Variants in SYDE2 observed in about 807,000 individuals in gnomAD.
SYDE2 encodes rho GTPase-activating protein SYDE2.
A neutral mutation model predicts 91.5 loss-of-function variants in SYDE2; 76 were observed. That is an observed-to-expected ratio of 0.83 (90% CI 0.69 to 1.01). SYDE2 has a LOEUF of 1.01. Ranked by LOEUF, SYDE2 falls within the 50% of genes least tolerant of loss-of-function variation. The pLI, the probability that SYDE2 is intolerant of heterozygous loss-of-function variation, is 0.00. For synonymous variants in SYDE2, 513 were observed against 506.4 expected (o/e 1.01, Z -0.18); for missense variants, 1,364 against 1,367.7 (o/e 1.00, Z 0.04).
chr1:85,159,711 C>T (rs946131454), intron 6 of SYDE2: 21 of 373,560 alleles, frequency 5.6e-5, no homozygotes, highest in African/African-American at 2.6e-4. Context: ...TAGTAAGTTC[C>T]GACCCTTGTG....
In SYDE2 at chr1:85,157,173, G is replaced by A. The variant is rs1331693158; in HGVS notation, c.*1577C>T. 1 of 151,686 alleles carries A rather than the reference G, an allele frequency of 6.6e-6. No individual in the cohort carries two copies. The highest frequency in any genetic ancestry group is 1.9e-4 in the East Asian group (1 of 5,200). 9.4% of individuals were successfully genotyped at this position (151,686 alleles called of 1,614,324 possible). A position where few individuals can be genotyped will look rare whatever the true frequency, so the allele number is the denominator to read the frequency against. ...AATATTTTAAGTACTTTAATATTTA[G>A]AAAAACATCAGGAAGCCAGTTTTTC... On this transcript the variant is annotated 3_prime_UTR_variant, in exon 7 of 7. Transcript: ENST00000341460.
At chr1:85,174,885 T>G (rs1030059564) in intron 4 of SYDE2, among the ~76,000 whole-genome samples, 2 of 152,184 alleles carry the variant, frequency 1.3e-5, no homozygotes, top group Non-Finnish European at 2.9e-5. Flanking sequence ...ACATATAATA[T>G]GTATGGTAAG....
intron 2 of SYDE2, among the ~76,000 whole-genome samples, chr1:85,189,281 CTTACT>C (rs1658267687): frequency 1.3e-5 from 2 of 152,142 alleles, no homozygotes; most frequent in Admixed American, 6.5e-5. Flanking sequence ...TTGCAAGGGA[CTTACT>C]TCTACTTCTC....
intron 6 of SYDE2, chr1:85,159,760 T>A: frequency 1.3e-6 from 1 of 762,524 alleles, no homozygotes; most frequent in Non-Finnish European, 1.6e-6. Flanking sequence ...AGTCATAGTT[T>A]ACTAAGCAGA....
In SYDE2 at chr1:85,182,685, A is replaced by T. The variant is rs1657979050; in HGVS notation, c.1957T>A (p.Cys653Ser). ...GKGKEIISNS[C>S]SKNEIDIDAF... is the part of the protein sequence containing the mutation. ...TCAATGTCTATTTCATTCTTGCTAC[A>T]ACTATTTGAAATTATTTCTTTTCCT... Residue 653 changes from cysteine (C) to serine (S), a missense_variant, in exon 3 of 7, where the codon TGT (cysteine) becomes AGT (serine). By Grantham distance (112) the Cys-to-Ser change is moderately radical (BLOSUM62 -1). Coordinates refer to ENST00000341460, the MANE Select transcript of SYDE2 (RefSeq NM_032184.2). The T allele has an allele frequency of 1.2e-6, 2 of 1,613,630 alleles. No homozygotes were observed. The highest frequency in any genetic ancestry group is 1.7e-6 in the Non-Finnish European group (2 of 1,179,830).
intron 1 of SYDE2, 72 bp from the exon 2 acceptor site, chr1:85,190,824 G>T: frequency 1.6e-6 from 2 of 1,283,638 alleles, no homozygotes; most frequent in Non-Finnish European, 2.1e-6. Context: ...CTTCAGACCA[G>T]TTATTTAAAA....
chr1:85,161,375 T>C (rs941630446), intron 6 of SYDE2, among the ~76,000 whole-genome samples: 1 of 152,020 alleles, frequency 6.6e-6, no homozygotes, highest in Non-Finnish European at 1.5e-5. Flanking sequence ...TAAAAAGAAA[T>C]AAGAGGAAAA....
intron 1 of SYDE2, among the ~76,000 whole-genome samples, chr1:85,193,455 A>AT (rs1297556585): frequency 2.6e-5 from 4 of 152,154 alleles, no homozygotes; most frequent in Non-Finnish European, 1.5e-5. Context: ...CACATTCATT[A>AT]TTTTAAATCT....
At chr1:85,180,684 C>T (rs1428950697) in intron 3 of SYDE2, among the ~76,000 whole-genome samples, 5 of 138,408 alleles carry the variant, frequency 3.6e-5, no homozygotes, top group Admixed American at 1.4e-4. Flanking sequence ...AGCAAGAATC[C>T]GTCTCAAAAA....
chr1:85,181,961 A>C, intron 3 of SYDE2, 137 bp downstream of exon 3: 1 of 941,568 alleles, frequency 1.1e-6, no homozygotes, highest in East Asian at 2.7e-5. Flanking sequence ...CCTAAACAGT[A>C]ATGGAATAAA....
Position 85,199,964 on chromosome 1 carries a change from C to T in SYDE2, c.745+288G>A, listed in dbSNP as rs574158119. On this transcript the variant is annotated intron_variant, in intron 1 of 6. Transcript: ENST00000341460. ...AGTGTGTTATACTTAACCTTTACTCCTTTAGGTAATACTTAGGGAATAGAC... is the reference window on the plus strand; with the variant it reads ...AGTGTGTTATACTTAACCTTTACTCTTTTAGGTAATACTTAGGGAATAGAC... 6.6e-5 allele frequency among the ~76,000 whole-genome samples: 10 copies of T among 152,096 alleles called. No individual in the cohort carries two copies. The South Asian group carries it at 2.1e-3, about 32-fold the overall frequency.
intron 1 of SYDE2, among the ~76,000 whole-genome samples, chr1:85,197,717 C>CGTGG (rs1658642112): frequency 6.6e-6 from 1 of 152,036 alleles, no homozygotes; most frequent in Non-Finnish European, 1.5e-5. Flanking sequence ...TGCAGTGACA[C>CGTGG]GATCTTGGCT....
chr1:85,193,558 G>A (rs530380890), intron 1 of SYDE2, among the ~76,000 whole-genome samples: 2 of 152,104 alleles, frequency 1.3e-5, no homozygotes, highest in African/African-American at 4.8e-5. Context: ...AAAGCTACCA[G>A]TATCCCATAT....
At chr1:85,185,736 C>T (rs1383447273) in intron 2 of SYDE2, among the ~76,000 whole-genome samples, 7 of 151,514 alleles carry the variant, frequency 4.6e-5, no homozygotes, top group Admixed American at 1.3e-4. Flanking sequence ...ACAATCATGT[C>T]GTCTGCAAAC....
intron 1 of SYDE2, among the ~76,000 whole-genome samples, chr1:85,191,739 C>G (rs1001739763): frequency 7.5e-6 from 1 of 133,726 alleles, no homozygotes; most frequent in African/African-American, 2.9e-5. Flanking sequence ...GCCTGGGTAA[C>G]AGAGCGAGAT....
At position 85,200,876 on chromosome 1, in the gene SYDE2, G is replaced by C; in HGVS notation, c.121C>G (p.Arg41Gly). ...CGCTCCCCGTCCCGGGGGCAGGCTC[G>C]GCGGTACGCGGCGCCGCGGGAAGGC... is the stretch of plus-strand genomic sequence containing the variant. Reference protein sequence around the residue: ...QPPSRGAAYRRACPRDGERGG... With the variant: ...QPPSRGAAYRGACPRDGERGG... Residue 41 changes from arginine (R) to glycine (G), a missense_variant, in exon 1 of 7, where the codon CGA (arginine) becomes GGA (glycine). By Grantham distance (125) the Arg-to-Gly change is moderately radical (BLOSUM62 -2). Coordinates refer to ENST00000341460, the MANE Select transcript of SYDE2 (RefSeq NM_032184.2). 3.0e-6 allele frequency: 4 copies of C among 1,342,836 alleles called. No individual in the cohort carries two copies. Among genetic ancestry groups the C allele is most frequent in the Non-Finnish European group, 3.8e-6 (4 of 1,056,988 alleles). 83.2% of individuals were successfully genotyped at this position (1,342,836 alleles called of 1,614,324 possible).
chr1:85,159,237 G>C lies in SYDE2; in HGVS notation c.3098C>G (p.Thr1033Ser). 1 of 779,818 alleles carries C rather than the reference G, an allele frequency of 1.3e-6. No individual in the cohort carries two copies. The highest frequency in any genetic ancestry group is 2.4e-6 in the Non-Finnish European group (1 of 417,846). The allele number at this position is 779,818 out of a possible 1,614,324, so 48.3% of individuals were successfully genotyped here. A position where few individuals can be genotyped will look rare whatever the true frequency, so the allele number is the denominator to read the frequency against. ...LLQLWPVQRL[T>S]VKKSTDNLFP... ...TAAATTGTCTGTTGATTTTTTGACA[G>C]TTAAACGCTGCACTAGAAACAAACA... The change falls in exon 7 of 7, where the codon ACT (threonine) becomes AGT (serine). Residue 1033 changes from threonine (T) to serine (S), a missense_variant. Physicochemically the swap from Thr to Ser is moderately conservative, Grantham distance 58. Coordinates refer to ENST00000341460, the MANE Select transcript of SYDE2 (RefSeq NM_032184.2).
At chr1:85,183,727 G>A (rs1161778729) in intron 2 of SYDE2, among the ~76,000 whole-genome samples, 1 of 149,968 alleles carries the variant, frequency 6.7e-6, no homozygotes, top group Non-Finnish European at 1.5e-5. Context: ...TAAAATTATA[G>A]TACAATTCTA....
At chr1:85,195,701 A>G (rs72722608) in intron 1 of SYDE2, among the ~76,000 whole-genome samples, 5,602 of 152,278 alleles carry the variant, frequency 0.037, 161 homozygotes, top group South Asian at 0.15. Flanking sequence ...CAGAATAAAT[A>G]AATACCCCAA....
Sources: gnomAD v4.1 joint callset for allele counts (sites outside exome capture counted in the v4.1 genomes callset) on GRCh38, gnomAD v4.1.1 for gene constraint, MANE v1.5 for transcripts, NCBI Gene and HGNC (gene_info 2026-07-23, HGNC 2026-07-21) for gene names.